Variants in PHACTR3 observed in about 807,000 individuals in gnomAD.
PHACTR3 encodes the protein protein phosphatase 1, regulatory subunit 123.
PHACTR3 carries 16 observed loss-of-function variants against 66.8 expected under a neutral mutation model. The ratio of observed to expected loss-of-function variants is 0.24; its 90% CI spans 0.16 to 0.36. The LOEUF (loss-of-function observed/expected upper bound fraction) is 0.36. Ranked by LOEUF, PHACTR3 falls within the 10% of genes least tolerant of loss-of-function variation. The pLI, the probability that PHACTR3 is intolerant of heterozygous loss-of-function variation, is 1.00. For synonymous variants in PHACTR3, 323 were observed against 292.1 expected, an observed-to-expected ratio of 1.11 and a Z score of -1.08; for missense variants, 647 against 719.9, an observed-to-expected ratio of 0.90 and a Z score of 1.16.
intron 1 of PHACTR3, among the ~76,000 whole-genome samples, chr20:59,641,043 C>CAT (rs532607097): frequency 8.7e-4 from 133 of 152,186 alleles, no homozygotes; most frequent in Admixed American, 1.6e-3. Context: ...ATAATGTATG[C>CAT]ATATATATAC....
At chr20:59,704,304 A>G (rs937832536) in intron 1 of PHACTR3, among the ~76,000 whole-genome samples, 6 of 152,188 alleles carry the variant, frequency 3.9e-5, no homozygotes, top group Admixed American at 3.9e-4. Context: ...GTATGTTTTC[A>G]TGTTCAGAAG....
intron 1 of PHACTR3, among the ~76,000 whole-genome samples, chr20:59,697,414 T>A (rs2037338381): frequency 6.6e-6 from 1 of 152,238 alleles, no homozygotes; most frequent in Non-Finnish European, 1.5e-5. Flanking sequence ...CAGACTTACT[T>A]CTTATCCCCA....
At chr20:59,697,824 T>A (rs2037356316) in intron 1 of PHACTR3, among the ~76,000 whole-genome samples, 1 of 152,224 alleles carries the variant, frequency 6.6e-6, no homozygotes, top group African/African-American at 2.4e-5. Flanking sequence ...TTATGCTGCA[T>A]CCTGTGTTTT....
intron 1 of PHACTR3, among the ~76,000 whole-genome samples, chr20:59,582,835 T>C (rs924985251): frequency 6.6e-6 from 1 of 152,152 alleles, no homozygotes; most frequent in Non-Finnish European, 1.5e-5. Context: ...TGGCTGCAAA[T>C]ATTCGTGTCC....
At chr20:59,647,265 C>T (rs1025614625) in intron 1 of PHACTR3, among the ~76,000 whole-genome samples, 3 of 152,306 alleles carry the variant, frequency 2.0e-5, no homozygotes, top group Non-Finnish European at 2.9e-5. Context: ...CATCCAATAT[C>T]GTGAGACTTA....
intron 7 of PHACTR3, among the ~76,000 whole-genome samples, chr20:59,778,391 T>C (rs1018845360): frequency 1.4e-4 from 22 of 152,100 alleles, no homozygotes; most frequent in Non-Finnish European, 2.6e-4. Context: ...ATGGGCCTCT[T>C]TGATGGTCCT....
At chr20:59,662,962 C>T (rs548376799) in intron 1 of PHACTR3, among the ~76,000 whole-genome samples, 1 of 152,332 alleles carries the variant, frequency 6.6e-6, no homozygotes, top group South Asian at 2.1e-4. Context: ...TCGCAGTTCA[C>T]GGCTCTGCAG....
At chr20:59,616,032 G>A (rs2034013064) in intron 1 of PHACTR3, among the ~76,000 whole-genome samples, 1 of 152,144 alleles carries the variant, frequency 6.6e-6, no homozygotes, top group African/African-American at 2.4e-5. Context: ...AAGGTCTGTG[G>A]GGTGCTTGCA....
At chr20:59,600,492 G>T (rs141250105), upstream of PHACTR3, among the ~76,000 whole-genome samples, 27 of 152,268 alleles carry the variant, frequency 1.8e-4, no homozygotes, top group African/African-American at 6.5e-4. Flanking sequence ...GAGGTGTGTG[G>T]GGGTGGAATT....
At position 59,738,416 on chromosome 20, in the gene PHACTR3, A is replaced by C. The variant is rs2039031331; in HGVS notation, c.119-4691A>C. 7.2e-6 allele frequency among the ~76,000 whole-genome samples: 1 copy of C among 137,968 alleles called. No homozygotes were observed. Among genetic ancestry groups the C allele is most frequent in the African/African-American group, 2.9e-5 (1 of 34,080 alleles). 90.5% of individuals were successfully genotyped at this position (137,968 alleles called of 152,430 possible). A position where few individuals can be genotyped will look rare whatever the true frequency, so the allele number is the denominator to read the frequency against. On this transcript the variant is annotated intron_variant, in intron 1 of 12. Coordinates refer to ENST00000371015, the MANE Select transcript of PHACTR3 (RefSeq NM_080672.5). The surrounding 1 kb of genome is among the most constrained non-coding windows in gnomAD (Gnocchi z 4.4). ...GTCCTAAATGAGAAGGGAAGCGAGC[A>C]GGAAGTGATAGGGTTAGAGCTCTAT...
chr20:59,615,018 T>C (rs769937355), intron 1 of PHACTR3, among the ~76,000 whole-genome samples: 7 of 152,176 alleles, frequency 4.6e-5, no homozygotes, highest in Non-Finnish European at 7.3e-5. Context: ...TCACCTGTTT[T>C]TCGGGGATCT....
At chr20:59,655,727 A>G (rs1470065093) in intron 1 of PHACTR3, among the ~76,000 whole-genome samples, 1 of 151,516 alleles carries the variant, frequency 6.6e-6, no homozygotes. Context: ...ACTCTTTTCG[A>G]GTGGAGGATT....
intron 1 of PHACTR3, among the ~76,000 whole-genome samples, chr20:59,583,084 GGCTGCTCAAAAACACATCCCTCTGC>G (rs1159015291): frequency 6.6e-6 from 1 of 152,152 alleles, no homozygotes; most frequent in Non-Finnish European, 1.5e-5. Context: ...ATACCAGGAT[GGCTGCTCAAAAACACATCCCTCTGC>G]GTCTCCTTTT....
chr20:59,776,837 A>G (rs1111811), intron 7 of PHACTR3, among the ~76,000 whole-genome samples: 95,956 of 151,822 alleles, frequency 0.63, 32,868 homozygotes, highest in Non-Finnish European at 0.76. Context: ...CTTGGCTCCC[A>G]CCTCTGTCCC....
chr20:59,841,047 T>C (rs896031138), intron 10 of PHACTR3, among the ~76,000 whole-genome samples: 3 of 152,220 alleles, frequency 2.0e-5, no homozygotes, highest in Admixed American at 6.5e-5. Flanking sequence ...GCTGGACATA[T>C]AATAACTTTA....
rs534773270 is a variant in PHACTR3, at chr20:59,830,824, G to T, written c.1329-5681G>T. ...GTGACGCCATCACCCAGCTGGCAGG[G>T]GTCAGAGCTGGAACTGGAATCCTAG... is the stretch of plus-strand genomic sequence containing the variant. On this transcript the variant is annotated intron_variant, in intron 8 of 12. Coordinates refer to ENST00000371015, the MANE Select transcript of PHACTR3 (RefSeq NM_080672.5). The surrounding 1 kb of genome is among the most constrained non-coding windows in gnomAD (Gnocchi z 5.8). Among the ~76,000 whole-genome samples, 1 of 152,266 alleles carries T rather than the reference G, an allele frequency of 6.6e-6. No homozygotes were observed. The highest frequency in any genetic ancestry group is 2.4e-5 in the African/African-American group (1 of 41,534).
At chr20:59,581,652 C>G (rs184363189) in intron 1 of PHACTR3, among the ~76,000 whole-genome samples, 133 of 152,266 alleles carry the variant, frequency 8.7e-4, no homozygotes, top group African/African-American at 3.0e-3. Flanking sequence ...GAGGCTGAGG[C>G]CAGCAGATCA....
chr20:59,723,107 TTTC>T (rs1420259501), intron 1 of PHACTR3, among the ~76,000 whole-genome samples: 76 of 148,916 alleles, frequency 5.1e-4, no homozygotes, highest in African/African-American at 1.8e-3. Flanking sequence ...TCTTTCTTTC[TTTC>T]TTTCTTTCTT....
At chr20:59,682,053 C>G (rs2036677672) in intron 1 of PHACTR3, among the ~76,000 whole-genome samples, 1 of 151,712 alleles carries the variant, frequency 6.6e-6, no homozygotes, top group African/African-American at 2.4e-5. Flanking sequence ...ATAATCAGGC[C>G]TCTTGGCTGG....
Sources: allele counts gnomAD v4.1 joint callset (sites outside exome capture counted in the v4.1 genomes callset), GRCh38; gene constraint gnomAD v4.1.1; non-coding constraint Gnocchi (gnomAD v3.1); transcripts MANE v1.5; gene names NCBI Gene and HGNC (gene_info 2026-07-23, HGNC 2026-07-21).